Variants in ESR1 observed in about 807,000 individuals in gnomAD.
ESR1 encodes estrogen receptor 1, also known as estrogen receptor.
A neutral mutation model predicts 52.7 loss-of-function variants in ESR1; 12 were observed. That is an observed-to-expected ratio of 0.23 (90% CI 0.15 to 0.37). The LOEUF (loss-of-function observed/expected upper bound fraction) is 0.37, where lower values mean the gene tolerates loss of function less well. Ranked by LOEUF, ESR1 falls within the 10% of genes least tolerant of loss-of-function variation. The probability of loss-of-function intolerance (pLI) is 1.00; values close to 1 mark genes in which losing one functional copy is unlikely to be tolerated. For synonymous variants in ESR1, 305 were observed against 316.8 expected, an observed-to-expected ratio of 0.96 and a Z score of 0.39; for missense variants, 584 against 779.7, an observed-to-expected ratio of 0.75 and a Z score of 2.99.
At chr6:152,088,720 C>T (rs2049944755) in intron 6 of ESR1, among the ~76,000 whole-genome samples, 1 of 152,138 alleles carries the variant, frequency 6.6e-6, no homozygotes, top group African/African-American at 2.4e-5. Context: ...CAATGTGTCC[C>T]CTTGACCTAG....
intron 6 of ESR1, among the ~76,000 whole-genome samples, chr6:152,065,449 C>A (rs530566642): frequency 2.0e-5 from 3 of 152,290 alleles, no homozygotes; most frequent in African/African-American, 7.2e-5. Context: ...CAGAAAAATT[C>A]ATATGTCAAA....
intron 1 of ESR1, among the ~76,000 whole-genome samples, chr6:151,701,121 T>C (rs1313673019): frequency 1.3e-5 from 2 of 152,182 alleles, no homozygotes; most frequent in East Asian, 3.8e-4. Flanking sequence ...TAACAACGTC[T>C]GAATCTTCGT....
intron 2 of ESR1, among the ~76,000 whole-genome samples, chr6:151,857,260 C>T (rs73009656): frequency 0.19 from 28,509 of 152,074 alleles, 3,660 homozygotes; most frequent in Non-Finnish European, 0.27. Flanking sequence ...CAACTGTTTA[C>T]AGAGAATGTA....
At position 151,720,191 on chromosome 6, in the gene ESR1, T is replaced by C. The variant is rs560835939; in HGVS notation, c.-71+18186T>C. Among the ~76,000 whole-genome samples the C allele has an allele frequency of 1.4e-4, 21 of 152,328 alleles. No homozygotes were observed. In the South Asian group the frequency reaches 3.5e-3, roughly 26 times the overall value. On this transcript the variant is annotated intron_variant, in intron 2 of 2. Transcript: ENST00000404742. ...TTTTCCTTTATCATGTGTCTGGCAA[T>C]ATGCTGAGTGTTCTACCTCTAGCAT...
At chr6:151,892,755 T>A (rs1794878257) in intron 3 of ESR1, among the ~76,000 whole-genome samples, 1 of 152,216 alleles carries the variant, frequency 6.6e-6, no homozygotes, top group Admixed American at 6.5e-5. Context: ...CATAGGCTAG[T>A]CTGGTTATGT....
chr6:151,724,144 G>A (rs894722042), intron 2 of ESR1, among the ~76,000 whole-genome samples: 1 of 152,090 alleles, frequency 6.6e-6, no homozygotes, highest in African/African-American at 2.4e-5. Context: ...AGCGACAGAT[G>A]CCTCTAAAGG....
chr6:151,698,057 A>G (rs1562337225), intron 1 of ESR1, among the ~76,000 whole-genome samples: 1 of 151,656 alleles, frequency 6.6e-6, no homozygotes, highest in Non-Finnish European at 1.5e-5. Context: ...ATATTGTACC[A>G]CTGCACTCCA....
At chr6:151,832,862 A>G (rs1321769171) in intron 1 of ESR1, among the ~76,000 whole-genome samples, 1 of 152,188 alleles carries the variant, frequency 6.6e-6, no homozygotes, top group Non-Finnish European at 1.5e-5. Flanking sequence ...TTCCACAACC[A>G]TCTGTTGAAT....
chr6:151,850,893 A>G (rs1465619499), intron 2 of ESR1, among the ~76,000 whole-genome samples: 2 of 152,044 alleles, frequency 1.3e-5, no homozygotes, highest in Non-Finnish European at 2.9e-5. Flanking sequence ...GCAATAATTT[A>G]TTGTTTCCAT....
intron 2 of ESR1, among the ~76,000 whole-genome samples, chr6:151,845,409 A>C (rs747702458): frequency 5.3e-5 from 8 of 152,064 alleles, no homozygotes; most frequent in Non-Finnish European, 1.0e-4. Context: ...TCTCTACTAA[A>C]AATATGAAAA....
chr6:152,013,493 A>T (rs1584808895), intron 5 of ESR1, among the ~76,000 whole-genome samples: 1 of 152,262 alleles, frequency 6.6e-6, no homozygotes, highest in Middle Eastern at 3.4e-3. Context: ...AATTATGCAG[A>T]TTCATAGGGT....
intron 2 of ESR1, among the ~76,000 whole-genome samples, chr6:151,857,546 C>T (rs767617343): frequency 2.4e-4 from 36 of 151,222 alleles, no homozygotes; most frequent in African/African-American, 1.7e-4. Context: ...TTTTTTAATT[C>T]GAGACCAAGT....
intron 5 of ESR1, among the ~76,000 whole-genome samples, chr6:152,050,582 C>T (rs1321819422): frequency 1.3e-5 from 2 of 152,128 alleles, no homozygotes; most frequent in African/African-American, 4.8e-5. Context: ...TGCCTTGACC[C>T]ATAGCTTACA....
At chr6:151,660,005 G>A (rs1028136088) in intron 1 of ESR1, among the ~76,000 whole-genome samples, 4 of 152,166 alleles carry the variant, frequency 2.6e-5, no homozygotes, top group Non-Finnish European at 4.4e-5. Flanking sequence ...CTTACCGTAT[G>A]TCCATTTTAT....
At chr6:151,966,006 TTG>T (rs796639660) in intron 4 of ESR1, among the ~76,000 whole-genome samples, 267 of 6,986 alleles carry the variant, frequency 0.038, no homozygotes, top group Non-Finnish European at 0.088. Flanking sequence ...AACTCAGCAG[TTG>T]CTTTGCTGTG....
intron 1 of ESR1, among the ~76,000 whole-genome samples, chr6:151,662,521 C>T (rs1420759931): frequency 6.6e-6 from 1 of 152,174 alleles, no homozygotes; most frequent in East Asian, 1.9e-4. Context: ...GGGACCAGCT[C>T]AGCGTCTGTG....
chr6:152,111,117 C>T (rs538750090), intron 6 of ESR1, among the ~76,000 whole-genome samples: 1 of 152,228 alleles, frequency 6.6e-6, no homozygotes, highest in Admixed American at 6.5e-5. Context: ...GGGGCAGGCT[C>T]ACCCTCCCCC....
At chr6:152,072,547 A>G (rs73616089) in intron 6 of ESR1, among the ~76,000 whole-genome samples, 3,301 of 152,272 alleles carry the variant, frequency 0.022, 107 homozygotes, top group African/African-American at 0.076. Context: ...GGGTTTTGCT[A>G]TCACTCTAGC....
intron 1 of ESR1, among the ~76,000 whole-genome samples, chr6:151,676,277 A>G (rs761549960): frequency 2.0e-5 from 3 of 152,158 alleles, no homozygotes; most frequent in Non-Finnish European, 4.4e-5. Context: ...TTGGTCTTCC[A>G]AGGGCTATGA....
Sources: allele counts gnomAD v4.1 joint callset (sites outside exome capture counted in the v4.1 genomes callset), GRCh38; gene constraint gnomAD v4.1.1; transcripts MANE v1.5; gene names NCBI Gene and HGNC (gene_info 2026-07-23, HGNC 2026-07-21).